The following KCTD16 variants were observed in gnomAD, a reference collection of about 807,000 sequenced individuals.
The protein encoded by KCTD16 is potassium channel tetramerization domain containing 16.
Under a neutral mutation model 33.2 loss-of-function variants are expected in KCTD16, and 13 were observed. That is an observed-to-expected ratio of 0.39 (90% CI 0.25 to 0.62). The LOEUF (loss-of-function observed/expected upper bound fraction) is 0.62, where lower values mean the gene tolerates loss of function less well. Among genes scored for constraint, KCTD16 ranks in the 20% least tolerant of loss-of-function variants. KCTD16 has a pLI of 0.50. For synonymous variants in KCTD16, 197 were observed against 195.3 expected (o/e 1.01, Z -0.07); for missense variants, 441 against 525.1 (o/e 0.84, Z 1.57).
intron 3 of KCTD16, among the ~76,000 whole-genome samples, chr5:144,299,058 A>ATG (rs1410125077): frequency 1.1e-5 from 1 of 91,640 alleles, no homozygotes; most frequent in African/African-American, 4.3e-5. Context: ...ATATATATAT[A>ATG]TATATATATA....
chr5:144,305,437 A>T (rs1751575611), intron 3 of KCTD16, among the ~76,000 whole-genome samples: 1 of 152,184 alleles, frequency 6.6e-6, no homozygotes, highest in Non-Finnish European at 1.5e-5. Context: ...ATTCAATCTG[A>T]CTGGTGTCTT....
chr5:144,436,189 C>T (rs1163510810), intron 3 of KCTD16, among the ~76,000 whole-genome samples: 3 of 152,136 alleles, frequency 2.0e-5, no homozygotes, highest in Non-Finnish European at 4.4e-5. Flanking sequence ...AAAGCTAAAT[C>T]CTGTGGGACT....
chr5:144,352,339 T>G (rs1009018962), intron 3 of KCTD16, among the ~76,000 whole-genome samples: 1 of 152,088 alleles, frequency 6.6e-6, no homozygotes, highest in Non-Finnish European at 1.5e-5. Context: ...GATAGGACAT[T>G]GTGAGGTTCA....
intron 3 of KCTD16, among the ~76,000 whole-genome samples, chr5:144,290,088 C>T (rs936892547): frequency 1.6e-4 from 25 of 152,230 alleles, no homozygotes; most frequent in Middle Eastern, 3.4e-3. Context: ...CGAGACCAGC[C>T]TGGGCAACAT....
intron 3 of KCTD16, among the ~76,000 whole-genome samples, chr5:144,452,468 G>A (rs1479050411): frequency 1.3e-5 from 2 of 152,068 alleles, no homozygotes; most frequent in Non-Finnish European, 1.5e-5. Flanking sequence ...ATGAGAGAGA[G>A]AGAAGTGGAT....
intron 3 of KCTD16, among the ~76,000 whole-genome samples, chr5:144,438,368 C>T (rs1753626324): frequency 6.6e-6 from 1 of 152,208 alleles, no homozygotes; most frequent in South Asian, 2.1e-4. Flanking sequence ...TGTCTTCAGG[C>T]CTGCCTGTAT....
At chr5:144,203,426 A>C (rs1357456824) in intron 2 of KCTD16, among the ~76,000 whole-genome samples, 5 of 152,128 alleles carry the variant, frequency 3.3e-5, no homozygotes, top group Non-Finnish European at 5.9e-5. Flanking sequence ...TCTAAGGTTA[A>C]AATGAGGATG....
rs527870708 is a variant in KCTD16 at position 144,426,764 on chromosome 5, G to T, written c.833-46896G>T. Among the ~76,000 whole-genome samples, 229 of 152,102 alleles carry T rather than the reference G, an allele frequency of 1.5e-3. 1 individual carries two copies. Among genetic ancestry groups the T allele is most frequent in the African/African-American group, 5.2e-3 (214 of 41,514 alleles). On this transcript the variant is annotated intron_variant, in intron 3 of 3. Coordinates refer to ENST00000512467, the MANE Select transcript of KCTD16 (RefSeq NM_020768.4). ...AGTGCATGAGAAAAAGAGACAAGATGGGAACTGAACTTATCTTTTTTATCA... is the reference window on the plus strand; with the variant it reads ...AGTGCATGAGAAAAAGAGACAAGATTGGAACTGAACTTATCTTTTTTATCA...
At chr5:144,308,709 C>A (rs1751675790) in intron 3 of KCTD16, among the ~76,000 whole-genome samples, 1 of 151,170 alleles carries the variant, frequency 6.6e-6, no homozygotes, top group Admixed American at 6.6e-5. Flanking sequence ...AATGGGCAAA[C>A]CTAGTTAGAC....
At chr5:144,171,247 A>G (rs543049000) in intron 1 of KCTD16, among the ~76,000 whole-genome samples, 3 of 152,218 alleles carry the variant, frequency 2.0e-5, no homozygotes, top group Non-Finnish European at 4.4e-5. Context: ...TTGAAAGAGT[A>G]ACATTCATCT....
intron 3 of KCTD16, among the ~76,000 whole-genome samples, chr5:144,242,112 G>A (rs1047221212): frequency 3.3e-5 from 5 of 151,954 alleles, no homozygotes; most frequent in Admixed American, 1.3e-4. Flanking sequence ...TGAAGGGGAA[G>A]CTCTTTTTGC....
At chr5:144,375,787 C>T (rs574734179) in intron 3 of KCTD16, among the ~76,000 whole-genome samples, 2 of 152,154 alleles carry the variant, frequency 1.3e-5, no homozygotes, top group South Asian at 2.1e-4. Context: ...ACATCAAACT[C>T]CTTCCCTTCC....
intron 2 of KCTD16, among the ~76,000 whole-genome samples, chr5:144,186,523 T>TA (rs1265601254): frequency 9.9e-5 from 15 of 152,166 alleles, no homozygotes; most frequent in African/African-American, 3.6e-4. Context: ...TATTCTAGAT[T>TA]TGTAGTTTTA....
chr5:144,311,018 C>T (rs537916817), intron 3 of KCTD16, among the ~76,000 whole-genome samples: 2 of 152,244 alleles, frequency 1.3e-5, no homozygotes, highest in South Asian at 2.1e-4. Context: ...TCCTAATGCC[C>T]ATTGAAGTCT....
At chr5:144,243,490 G>T (rs762923527) in intron 3 of KCTD16, among the ~76,000 whole-genome samples, 2 of 152,088 alleles carry the variant, frequency 1.3e-5, no homozygotes, top group Non-Finnish European at 2.9e-5. Context: ...TGTTTATGTT[G>T]TGTATCTGTT....
intron 3 of KCTD16, 142 bp downstream of exon 3, chr5:144,207,688 T>A: frequency 1.4e-6 from 1 of 692,856 alleles, no homozygotes; most frequent in Non-Finnish European, 2.3e-6. Flanking sequence ...GGATTAGAGG[T>A]TATAATTCAG....
chr5:144,360,153 TAC>T (rs1751672753), intron 3 of KCTD16, among the ~76,000 whole-genome samples: 1 of 152,150 alleles, frequency 6.6e-6, no homozygotes, highest in Admixed American at 6.6e-5. Context: ...GCAGGTTTGT[TAC>T]ATAGGTATAC....
intron 3 of KCTD16, among the ~76,000 whole-genome samples, chr5:144,464,952 C>A (rs958573563): frequency 2.0e-5 from 3 of 152,132 alleles, no homozygotes; most frequent in Non-Finnish European, 2.9e-5. Flanking sequence ...TCTTTTAGAT[C>A]TTGATTATGA....
chr5:144,436,590 C>CTTT (rs112607433), intron 3 of KCTD16, among the ~76,000 whole-genome samples: 4 of 142,424 alleles, frequency 2.8e-5, no homozygotes, highest in African/African-American at 1.0e-4. Context: ...TGTTTAACTT[C>CTTT]TTTTTTTTTT....
Sources: gnomAD v4.1 joint callset for allele counts (sites outside exome capture counted in the v4.1 genomes callset) on GRCh38, gnomAD v4.1.1 for gene constraint, MANE v1.5 for transcripts, NCBI Gene and HGNC (gene_info 2026-07-23, HGNC 2026-07-21) for gene names.